SHROOM4: variants seen among roughly 807,000 people sequenced by gnomAD.
SHROOM4 encodes the protein shroom family member 4.
A neutral mutation model predicts 80.3 loss-of-function variants in SHROOM4; 17 were observed. The ratio of observed to expected loss-of-function variants is 0.21; its 90% CI spans 0.14 to 0.32. The LOEUF (loss-of-function observed/expected upper bound fraction) is 0.32. SHROOM4 is among the 10% of genes least tolerant of loss of function. The pLI, the probability that SHROOM4 is intolerant of heterozygous loss-of-function variation, is 1.00. For synonymous variants in SHROOM4, 400 were observed against 437.5 expected, an observed-to-expected ratio of 0.91 and a Z score of 1.07; for missense variants, 993 against 1,140.3, an observed-to-expected ratio of 0.87 and a Z score of 1.86.
Position 50,635,098 on chromosome X carries a change from G to C in SHROOM4, c.975C>G (p.Phe325Leu), listed in dbSNP as rs782047744. ...PVLPARNPNR[F>L]CCLSGHDQVT... The stretch of plus-strand genomic sequence containing the variant: ...CTTGGTCATGCCCACTGAGGCAACA[G>C]AACCTATTAGGGTTCCTTGCGGGTA... Residue 325 changes from phenylalanine to leucine, a missense_variant, in exon 4 of 9, where the codon TTC becomes TTG. Physicochemically the swap from Phe to Leu is conservative, Grantham distance 22. Coordinates refer to ENST00000376020, the MANE Select transcript of SHROOM4 (RefSeq NM_020717.5). The C allele has an allele frequency of 2.5e-6, 3 of 1,211,958 alleles. No individual in the cohort carries two copies. The East Asian group carries it at 8.9e-5, about 36-fold the overall frequency.
At chrX:50,653,559 C>T (rs1932196557) in intron 2 of SHROOM4, among the ~76,000 whole-genome samples, 1 of 111,411 alleles carries the variant, frequency 9.0e-6, no homozygotes, top group Non-Finnish European at 1.9e-5. Context: ...CCCTTTATTT[C>T]CTTCTCTTGC....
At chrX:50,711,231 T>C (rs1557264367) in intron 1 of SHROOM4, among the ~76,000 whole-genome samples, 1 of 111,958 alleles carries the variant, frequency 8.9e-6, no homozygotes, top group African/African-American at 3.2e-5. Flanking sequence ...TGAAGTGCAC[T>C]GAGGACCAAA....
rs931647761 is a variant in SHROOM4 at position 50,602,667 on chromosome X, T to C, written c.3908A>G (p.Glu1303Gly). The C allele has an allele frequency of 2.5e-6, 3 of 1,211,584 alleles. No homozygotes were observed. In the East Asian group the frequency reaches 8.9e-5, roughly 36 times the overall value. ...AGCCAGTTCATGGTCAACTTCCTCC[T>C]CTCCTAGGCCAATCTCTGCCATCTC... is the stretch of plus-strand genomic sequence containing the variant. The part of the protein sequence containing the change: ...QPEMAEIGLG[E>G]EEVDHELAQK... The change falls in exon 7 of 9, where the codon GAG (glutamate) becomes GGG (glycine). Residue 1303 changes from glutamate to glycine, a missense_variant. Glu to Gly is a moderately conservative substitution (Grantham distance 98, BLOSUM62 -2). Transcript: ENST00000376020.
At chrX:50,652,582 C>A (rs1462093951) in intron 2 of SHROOM4, among the ~76,000 whole-genome samples, 5 of 111,792 alleles carry the variant, frequency 4.5e-5, no homozygotes, top group African/African-American at 1.6e-4. Flanking sequence ...TTAATTAGAT[C>A]CTGTTTGTCA....
intron 1 of SHROOM4, among the ~76,000 whole-genome samples, chrX:50,706,729 A>G (rs1322337240): frequency 8.9e-6 from 1 of 111,957 alleles, no homozygotes; most frequent in Non-Finnish European, 1.9e-5. Context: ...AAACTTTGTA[A>G]AAAGCATTAT....
chrX:50,739,634 A>T (rs1276941618), intron 1 of SHROOM4, among the ~76,000 whole-genome samples: 106 of 106,576 alleles, frequency 9.9e-4, no homozygotes, highest in African/African-American at 3.4e-3. Flanking sequence ...ACAATGAGAT[A>T]CCATCTCACA....
At chrX:50,796,289 C>A (rs909598394) in intron 1 of SHROOM4, among the ~76,000 whole-genome samples, 5 of 111,978 alleles carry the variant, frequency 4.5e-5, no homozygotes, top group Non-Finnish European at 9.4e-5. Context: ...GCTTGGATGG[C>A]CTGCCTCTAA....
At chrX:50,581,816 G>A (rs1928673437), downstream of SHROOM4, among the ~76,000 whole-genome samples, 1 of 111,581 alleles carries the variant, frequency 9.0e-6, no homozygotes, top group Non-Finnish European at 1.9e-5. Context: ...CTTCCAAGAG[G>A]GTTTGTGTTT....
At chrX:50,752,411 T>C (rs1483285766) in intron 1 of SHROOM4, among the ~76,000 whole-genome samples, 3 of 111,897 alleles carry the variant, frequency 2.7e-5, no homozygotes, top group Non-Finnish European at 5.6e-5. Context: ...GATGATTAAT[T>C]CCATTAGTCA....
intron 5 of SHROOM4, among the ~76,000 whole-genome samples, chrX:50,626,635 A>G (rs1930816319): frequency 9.0e-6 from 1 of 111,508 alleles, no homozygotes; most frequent in Admixed American, 9.5e-5. Context: ...AGGTCCAACT[A>G]TTTATCTGTG....
chrX:50,765,223 T>C (rs1178829296), intron 1 of SHROOM4, among the ~76,000 whole-genome samples: 1 of 112,098 alleles, frequency 8.9e-6, no homozygotes, highest in African/African-American at 3.2e-5. Context: ...AATGGTTTAA[T>C]TTCTGTAGTG....
intron 1 of SHROOM4, among the ~76,000 whole-genome samples, chrX:50,764,603 A>T (rs1363439511): frequency 9.0e-6 from 1 of 111,369 alleles, no homozygotes; most frequent in African/African-American, 3.3e-5. Flanking sequence ...TCTTGAATTA[A>T]TTCATCTCAA....
At position 50,682,815 on chromosome X, in the gene SHROOM4, T is replaced by C. The variant is rs183969668; in HGVS notation, c.269+12971A>G. 2.1e-3 allele frequency among the ~76,000 whole-genome samples: 231 copies of C among 111,994 alleles called. 2 individuals are homozygous for C. The highest frequency in any genetic ancestry group is 3.9e-3 in the Non-Finnish European group (205 of 53,128). ...GGTTAATACTGAGTGTCAACTTGAT[T>C]GGATTGAAGGATACAAAGTATTGAT... On this transcript the variant is annotated intron_variant, in intron 2 of 8. Transcript: ENST00000376020.
At position 50,591,095 on chromosome X, in the gene SHROOM4, T is replaced by A. The variant is rs1178099050; in HGVS notation, c.*5600A>T. Among the ~76,000 whole-genome samples the A allele has an allele frequency of 8.9e-6, 1 of 112,512 alleles. No individual in the cohort carries two copies. The highest frequency in any genetic ancestry group is 3.2e-5 in the African/African-American group (1 of 30,999). On this transcript the variant is annotated 3_prime_UTR_variant, in exon 9 of 9. Coordinates refer to ENST00000376020, the MANE Select transcript of SHROOM4 (RefSeq NM_020717.5). The stretch of plus-strand genomic sequence containing the variant: ...TTTGAGTTGATTCTTGCATGTGATT[T>A]AAGGAAAACTTCATTTTTTCCCATG...
chrX:50,701,773 A>G (rs782691360), intron 1 of SHROOM4, among the ~76,000 whole-genome samples: 5 of 111,937 alleles, frequency 4.5e-5, no homozygotes, highest in African/African-American at 1.3e-4. Context: ...ACCCAATGAG[A>G]GGACTAAAAT....
chrX:50,735,867 C>T (rs1414564246), intron 1 of SHROOM4, among the ~76,000 whole-genome samples: 1 of 109,500 alleles, frequency 9.1e-6, no homozygotes, highest in African/African-American at 3.3e-5. Flanking sequence ...ATTAGCTGGG[C>T]GTGGTGGTGT....
chrX:50,666,255 C>A (rs980101195), intron 2 of SHROOM4, among the ~76,000 whole-genome samples: 21 of 111,733 alleles, frequency 1.9e-4, no homozygotes, highest in African/African-American at 6.2e-4. Context: ...TCCTGGGATA[C>A]AACACACAGG....
intron 2 of SHROOM4, among the ~76,000 whole-genome samples, chrX:50,685,800 T>C (rs1267475085): frequency 2.7e-5 from 3 of 112,049 alleles, no homozygotes; most frequent in Non-Finnish European, 5.6e-5. Context: ...TGATTGAAGC[T>C]TGACTTTGGC....
At chrX:50,781,963 C>T (rs782049811) in intron 1 of SHROOM4, among the ~76,000 whole-genome samples, 1 of 111,732 alleles carries the variant, frequency 8.9e-6, no homozygotes, top group African/African-American at 3.3e-5. Flanking sequence ...AATCCCAGCA[C>T]TTTGGGAGGC....
Sources: allele counts gnomAD v4.1 joint callset (sites outside exome capture counted in the v4.1 genomes callset), GRCh38; gene constraint gnomAD v4.1.1; transcripts MANE v1.5; gene names NCBI Gene and HGNC (gene_info 2026-07-23, HGNC 2026-07-21).